DAB2: variants seen among roughly 807,000 people sequenced by gnomAD.
DAB2 encodes the protein DAB adaptor protein 2.
A neutral mutation model predicts 71.6 loss-of-function variants in DAB2; 28 were observed. The ratio of observed to expected loss-of-function variants is 0.39; its 90% CI spans 0.29 to 0.54. The LOEUF is 0.54. Ranked by LOEUF, DAB2 falls within the 20% of genes least tolerant of loss-of-function variation. The probability of loss-of-function intolerance (pLI) is 0.68; values close to 1 mark genes in which losing one functional copy is unlikely to be tolerated. For synonymous variants in DAB2, 345 were observed against 339.7 expected, an observed-to-expected ratio of 1.02 and a Z score of -0.17; for missense variants, 867 against 928.8, an observed-to-expected ratio of 0.93 and a Z score of 0.86.
chr5:39,390,395 T>C lies in DAB2; in HGVS notation c.462+49A>G, dbSNP rs1333346748. The C allele has an allele frequency of 8.2e-6, 13 of 1,577,072 alleles. No individual in the cohort carries two copies. The East Asian group carries it at 2.0e-4, about 25-fold the overall frequency. ...TTTAGTTGAGTGACAGACACTCCAATGTCCACAGAGGACAAGTCCCCAGGT... is the reference window on the plus strand; with the variant it reads ...TTTAGTTGAGTGACAGACACTCCAACGTCCACAGAGGACAAGTCCCCAGGT... On this transcript the variant is annotated intron_variant, in intron 5 of 14. Transcript: ENST00000320816.
Position 39,381,587 on chromosome 5 carries a change from G to A in DAB2, c.1371C>T (p.Asp457=). 1 of 1,614,056 alleles carries A rather than the reference G, an allele frequency of 6.2e-7. No individual in the cohort carries two copies. The highest frequency in any genetic ancestry group is 8.5e-7 in the Non-Finnish European group (1 of 1,179,962). The change falls in exon 11 of 15, where the codon GAC becomes GAT. Residue 457 remains aspartate (D), a synonymous_variant. Coordinates refer to ENST00000320816, the MANE Select transcript of DAB2 (RefSeq NM_001343.4). ...KSSANDLLAS[D]IFAPPVSEPS... ...GTTCTGAGACGGGAGGAGCAAAGAT[G>A]TCTGATGCAAGCAAGTCATTGGCTG...
intron 1 of DAB2, among the ~76,000 whole-genome samples, chr5:39,420,062 C>T (rs1755943569): frequency 1.3e-5 from 2 of 152,272 alleles, no homozygotes; most frequent in Admixed American, 6.5e-5. Flanking sequence ...GCTGGATGGG[C>T]CCTACTTCCA....
chr5:39,377,583 C>A (rs1754863293), intron 11 of DAB2, among the ~76,000 whole-genome samples: 1 of 152,138 alleles, frequency 6.6e-6, no homozygotes, highest in Non-Finnish European at 1.5e-5. Context: ...AAAAAATAAG[C>A]CCTTATCATA....
chr5:39,413,039 A>C (rs1395071292), intron 1 of DAB2, among the ~76,000 whole-genome samples: 1 of 152,120 alleles, frequency 6.6e-6, no homozygotes, highest in Non-Finnish European at 1.5e-5. Flanking sequence ...GGTGGGCGAT[A>C]GCACTCTGTT....
At chr5:39,421,128 G>A (rs747162919) in intron 1 of DAB2, among the ~76,000 whole-genome samples, 3 of 152,168 alleles carry the variant, frequency 2.0e-5, no homozygotes, top group South Asian at 2.1e-4. Context: ...CTTCCAGGAC[G>A]AAAACAGAGA....
At chr5:39,412,586 A>G (rs1450388708) in intron 1 of DAB2, among the ~76,000 whole-genome samples, 1 of 152,154 alleles carries the variant, frequency 6.6e-6, no homozygotes, top group Admixed American at 6.5e-5. Flanking sequence ...GGGAGAAAGG[A>G]GAGTAGAGGA....
chr5:39,382,646 T>C lies in DAB2; in HGVS notation c.1313A>G (p.Lys438Arg), dbSNP rs761422677. ...IAIIPPPQSTKPGRGRRTAKS... is the reference protein window; with the variant it reads ...IAIIPPPQSTRPGRGRRTAKS... ...AGCAGTCCTTCTGCCTCTTCCTGGT[T>C]TGGTACTTTGTGGAGGTGGGATAAT... Residue 438 changes from lysine to arginine, a missense_variant, in exon 10 of 15, where the codon AAA (lysine) becomes AGA (arginine). This residue lies in a region of DAB2 where 740 missense variants were observed against 734.3 expected (regional missense o/e 1.01). Transcript: ENST00000320816. The C allele has an allele frequency of 7.4e-6, 12 of 1,613,972 alleles. No homozygotes were observed. The South Asian group carries it at 1.2e-4, about 16-fold the overall frequency.
chr5:39,423,084 A>G (rs1300155571), intron 1 of DAB2, among the ~76,000 whole-genome samples: 2 of 152,174 alleles, frequency 1.3e-5, no homozygotes, highest in Non-Finnish European at 2.9e-5. Flanking sequence ...CTGGTTATAC[A>G]TTAAAGCATA....
At chr5:39,389,292 G>C (rs536913159) in intron 6 of DAB2, among the ~76,000 whole-genome samples, 169 bp from the exon 7 acceptor site, 1 of 152,060 alleles carries the variant, frequency 6.6e-6, no homozygotes, top group African/African-American at 2.4e-5. Flanking sequence ...GGTTTGAGTA[G>C]AGTTACTGGA....
At position 39,414,389 on chromosome 5, in the gene DAB2, T is replaced by G. The variant is rs550659628; in HGVS notation, c.-102+10415A>C. On this transcript the variant is annotated intron_variant, in intron 1 of 14. Coordinates refer to ENST00000320816, the MANE Select transcript of DAB2 (RefSeq NM_001343.4). ...AAGGTCTTACCTATTTTCTCAAATTTTATTAGTAATTTTATAAACAATTTG... is the reference window on the plus strand; with the variant it reads ...AAGGTCTTACCTATTTTCTCAAATTGTATTAGTAATTTTATAAACAATTTG... Among the ~76,000 whole-genome samples the G allele has an allele frequency of 2.0e-5, 3 of 152,144 alleles. No individual in the cohort carries two copies. In the South Asian group the frequency reaches 6.2e-4, roughly 32 times the overall value.
intron 1 of DAB2, among the ~76,000 whole-genome samples, chr5:39,423,055 C>G (rs990642871): frequency 6.6e-6 from 1 of 152,132 alleles, no homozygotes; most frequent in African/African-American, 2.4e-5. Context: ...GGAAGACATT[C>G]CTCTACCATC....
chr5:39,388,503 T>C lies in DAB2; in HGVS notation c.625-136A>G. 3 of 694,486 alleles carry C rather than the reference T, an allele frequency of 4.3e-6. No homozygotes were observed. The South Asian group carries it at 5.5e-5, about 13-fold the overall frequency. The allele number at this position is 694,486 out of a possible 1,614,324, so 43.0% of individuals were successfully genotyped here. On this transcript the variant is annotated intron_variant, in intron 8 of 14. Transcript: ENST00000320816. ...TTCCATTTAACTAATAGATTTCATA[T>C]TAAGCTGTTTAGGTCAGGAAGTGTA...
At chr5:39,408,355 G>T (rs990718014) in intron 1 of DAB2, 3 of 152,168 alleles carry the variant, frequency 2.0e-5, no homozygotes, top group Non-Finnish European at 4.4e-5. Context: ...TAGGTGGCAT[G>T]TCCTTTGTTT....
In DAB2 at chr5:39,372,121, TAAAC is replaced by T. The variant is rs1216633689; in HGVS notation, c.*1306_*1309del. 9.2e-5 allele frequency: 14 copies of T among 152,192 alleles called. No homozygotes were observed. The East Asian group carries it at 2.5e-3, about 27-fold the overall frequency. The allele number at this position is 152,192 out of a possible 1,614,324, so 9.4% of individuals were successfully genotyped here. A position where few individuals can be genotyped will look rare whatever the true frequency, so the allele number is the denominator to read the frequency against. On this transcript the variant is annotated 3_prime_UTR_variant, in exon 15 of 15. Coordinates refer to ENST00000320816, the MANE Select transcript of DAB2 (RefSeq NM_001343.4). ...AAGAGACAACATTAAAAACCCAACATAAACAAAACAAAACAAAACTTATTTTGAC... is the reference window on the plus strand; with the variant it reads ...AAGAGACAACATTAAAAACCCAACATAAAACAAAACAAAACTTATTTTGAC...
rs56974213 is a variant in DAB2 at position 39,424,470 on chromosome 5, TACACACACACACACACAC to T, written c.-102+316_-102+333del. 4.0e-3 allele frequency among the ~76,000 whole-genome samples: 540 copies of T among 134,556 alleles called. 3 individuals are homozygous for T. The highest frequency in any genetic ancestry group is 6.5e-3 in the African/African-American group (235 of 35,954). 88.3% of individuals were successfully genotyped at this position (134,556 alleles called of 152,430 possible). On this transcript the variant is annotated intron_variant, in intron 1 of 14. Transcript: ENST00000320816. ...CTAGGAGGGCTGCCCGCAGACCTTT[TACACACACACACACACAC>T]ACACACACACACACACACACACACA...
intron 9 of DAB2, among the ~76,000 whole-genome samples, chr5:39,384,566 T>C (rs2112041357): frequency 6.6e-6 from 1 of 152,316 alleles, no homozygotes; most frequent in South Asian, 2.1e-4. Flanking sequence ...ATATCAAATA[T>C]GTAGCTCTAC....
At chr5:39,391,684 A>G (rs1755230651) in intron 4 of DAB2, among the ~76,000 whole-genome samples, 1 of 152,178 alleles carries the variant, frequency 6.6e-6, no homozygotes, top group Non-Finnish European at 1.5e-5. Flanking sequence ...TACAGAAAAA[A>G]AATCACAGAA....
chr5:39,407,593 T>C (rs1755635979), intron 1 of DAB2, among the ~76,000 whole-genome samples: 3 of 152,250 alleles, frequency 2.0e-5, no homozygotes, highest in Admixed American at 2.0e-4. Context: ...CATCCCCGTA[T>C]GAAATAATCC....
intron 3 of DAB2, 89 bp from the exon 4 acceptor site, chr5:39,392,552 T>A: frequency 1.0e-6 from 1 of 992,098 alleles, no homozygotes; most frequent in Middle Eastern, 2.1e-4. Flanking sequence ...TCAGTCAGCT[T>A]TGTTTTCGAC....
Sources: gnomAD v4.1 joint callset for allele counts (sites outside exome capture counted in the v4.1 genomes callset) on GRCh38, gnomAD v4.1.1 for gene constraint, gnomAD v4.1.1 regional missense constraint, MANE v1.5 for transcripts, NCBI Gene and HGNC (gene_info 2026-07-23, HGNC 2026-07-21) for gene names.